SDK1: variants seen among roughly 807,000 people sequenced by gnomAD.
SDK1 encodes the protein protein sidekick-1.
Under a neutral mutation model 245.5 loss-of-function variants are expected in SDK1, and 157 were observed. The ratio of observed to expected loss-of-function variants is 0.64; its 90% confidence interval spans 0.56 to 0.73. SDK1 has a LOEUF of 0.73. SDK1 is among the 30% of genes least tolerant of loss of function. The probability of loss-of-function intolerance (pLI) is 0.00; values close to 1 mark genes in which losing one functional copy is unlikely to be tolerated. For synonymous variants in SDK1, 1,647 were observed against 1,278.5 expected (o/e 1.29, Z -6.15); for missense variants, 3,583 against 3,002.3 (o/e 1.19, Z -4.52).
rs114258494 is a variant in SDK1, at chr7:3,385,769, A to G, written c.298+83885A>G. On this transcript the variant is annotated intron_variant, in intron 1 of 44. Transcript: ENST00000404826. ...ATTAGTGAGGTGAGATGGAGATCAT[A>G]TTTTGTGGCGATTAGTAAGGGATTG... 7.0e-3 allele frequency among the ~76,000 whole-genome samples: 1,059 copies of G among 152,278 alleles called. 14 individuals carry two copies. The highest frequency in any genetic ancestry group is 0.024 in the African/African-American group (1,016 of 41,552).
intron 5 of SDK1, among the ~76,000 whole-genome samples, chr7:3,938,600 C>G (rs906922308): frequency 3.4e-5 from 5 of 148,724 alleles, no homozygotes; most frequent in African/African-American, 1.3e-4. Flanking sequence ...GAGCCAAGAT[C>G]GCGACACTGC....
At chr7:4,140,786 A>T (rs933592022) in intron 28 of SDK1, among the ~76,000 whole-genome samples, 1 of 152,136 alleles carries the variant, frequency 6.6e-6, no homozygotes, top group Admixed American at 6.5e-5. Flanking sequence ...GCCCCTAATA[A>T]GCTGTGTCTC....
rs1355659867 is a variant in SDK1, at chr7:4,042,244, TC to T, written c.2603-7103del. 1.5e-5 allele frequency among the ~76,000 whole-genome samples: 2 copies of T among 136,286 alleles called. 1 individual carries two copies. The highest frequency in any genetic ancestry group is 6.7e-5 in the African/African-American group (2 of 29,706). 89.4% of individuals were successfully genotyped at this position (136,286 alleles called of 152,430 possible). ...AGACCACTGCACTGTCCCACCTCCT[TC>T]TTCCCCATCCACTCCCAGAAATCCT... is the stretch of plus-strand genomic sequence containing the variant. On this transcript the variant is annotated intron_variant, in intron 17 of 44. Coordinates refer to ENST00000404826, the MANE Select transcript of SDK1 (RefSeq NM_152744.4).
intron 14 of SDK1, among the ~76,000 whole-genome samples, chr7:4,006,665 T>C (rs1222428360): frequency 6.6e-6 from 1 of 152,248 alleles, no homozygotes; most frequent in Non-Finnish European, 1.5e-5. Flanking sequence ...GTTTTCACTT[T>C]AATCTCTCTT....
chr7:4,014,200 A>G lies in SDK1; in HGVS notation c.2420+1965A>G, dbSNP rs141257524. On this transcript the variant is annotated intron_variant, in intron 16 of 44. Coordinates refer to ENST00000404826, the MANE Select transcript of SDK1 (RefSeq NM_152744.4). ...GTAAGGACTTTAAAAGTCATCCCAC[A>G]GAACCAGGCCCGGGGCACAGAGTTT... Among the ~76,000 whole-genome samples, 442 of 152,364 alleles carry G rather than the reference A, an allele frequency of 2.9e-3. 1 individual carries two copies. Among genetic ancestry groups the G allele is most frequent in the African/African-American group, 0.01 (427 of 41,578 alleles).
chr7:3,352,453 T>A (rs1345759863), intron 1 of SDK1, among the ~76,000 whole-genome samples: 1 of 152,176 alleles, frequency 6.6e-6, no homozygotes, highest in Non-Finnish European at 1.5e-5. Flanking sequence ...GTGGATTTAC[T>A]GAAAACACGA....
At chr7:3,638,189 T>A (rs1250505082) in intron 2 of SDK1, among the ~76,000 whole-genome samples, 1 of 152,214 alleles carries the variant, frequency 6.6e-6, no homozygotes, top group African/African-American at 2.4e-5. Flanking sequence ...ATCCTAGCTT[T>A]GGGTGATATT....
intron 7 of SDK1, among the ~76,000 whole-genome samples, chr7:3,955,142 C>T (rs537092119): frequency 2.6e-5 from 4 of 152,264 alleles, no homozygotes; most frequent in East Asian, 3.9e-4. Flanking sequence ...GAAACTCGGA[C>T]GGCGAGTTTT....
intron 40 of SDK1, among the ~76,000 whole-genome samples, chr7:4,223,217 G>A (rs986644377): frequency 2.6e-5 from 4 of 152,160 alleles, no homozygotes; most frequent in Admixed American, 2.6e-4. Flanking sequence ...TTCACAAATA[G>A]AATTCAGGAG....
intron 4 of SDK1, among the ~76,000 whole-genome samples, chr7:3,812,228 A>G (rs1219117421): frequency 2.0e-5 from 3 of 148,142 alleles, no homozygotes; most frequent in Non-Finnish European, 4.5e-5. Flanking sequence ...AGAAAGGAAT[A>G]GTCAGAGTAA....
At chr7:3,465,710 G>T (rs560809311) in intron 1 of SDK1, among the ~76,000 whole-genome samples, 1 of 152,122 alleles carries the variant, frequency 6.6e-6, no homozygotes, top group Non-Finnish European at 1.5e-5. Context: ...TCATTCAGGC[G>T]CGTGTCTGGG....
At chr7:3,327,900 A>G (rs1012251780) in intron 1 of SDK1, among the ~76,000 whole-genome samples, 3 of 152,068 alleles carry the variant, frequency 2.0e-5, no homozygotes, top group Non-Finnish European at 4.4e-5. Context: ...GTGTATACCT[A>G]TAGTTGTCGT....
intron 8 of SDK1, among the ~76,000 whole-genome samples, chr7:3,960,341 G>A (rs1224232951): frequency 6.6e-6 from 1 of 152,308 alleles, no homozygotes; most frequent in African/African-American, 2.4e-5. Flanking sequence ...GGACCCAAAC[G>A]CAAATCTGTC....
intron 1 of SDK1, among the ~76,000 whole-genome samples, chr7:3,578,618 C>G (rs765501386): frequency 6.6e-5 from 10 of 151,960 alleles, no homozygotes; most frequent in Admixed American, 1.3e-4. Context: ...CGTTTATAGA[C>G]CACCCCCCAG....
intron 1 of SDK1, among the ~76,000 whole-genome samples, chr7:3,304,155 C>G (rs1014271505): frequency 1.3e-5 from 2 of 152,218 alleles, no homozygotes; most frequent in Middle Eastern, 3.2e-3. Flanking sequence ...TTCAGGTCTT[C>G]CAAATGTAAC....
At chr7:4,120,868 G>T (rs1784013632) in intron 25 of SDK1, among the ~76,000 whole-genome samples, 1 of 151,112 alleles carries the variant, frequency 6.6e-6, no homozygotes. Flanking sequence ...TGCCCAACTT[G>T]GTTTCCCAAG....
intron 4 of SDK1, among the ~76,000 whole-genome samples, chr7:3,811,107 A>C (rs1260755102): frequency 6.6e-6 from 1 of 152,214 alleles, no homozygotes; most frequent in Non-Finnish European, 1.5e-5. Context: ...CCAGATTCAG[A>C]CTTAGCGTAC....
chr7:4,248,314 G>C (rs1422789907), intron 44 of SDK1, among the ~76,000 whole-genome samples: 1 of 150,128 alleles, frequency 6.7e-6, no homozygotes, highest in Admixed American at 6.6e-5. Context: ...ATACACACAT[G>C]CACACACATA....
chr7:4,246,559 C>G (rs1225982979), intron 44 of SDK1, among the ~76,000 whole-genome samples: 2 of 152,152 alleles, frequency 1.3e-5, no homozygotes, highest in African/African-American at 4.8e-5. Context: ...CTGCTCACCC[C>G]TGGACATTCG....
Sources: allele counts gnomAD v4.1 joint callset (sites outside exome capture counted in the v4.1 genomes callset), GRCh38; gene constraint gnomAD v4.1.1; transcripts MANE v1.5; gene names NCBI Gene and HGNC (gene_info 2026-07-23, HGNC 2026-07-21).